The following PHACTR1 variants were observed in gnomAD, a reference collection of about 807,000 sequenced individuals.
PHACTR1 encodes the protein phosphatase and actin regulator 1.
A neutral mutation model predicts 69.2 loss-of-function variants in PHACTR1; 16 were observed. The ratio of observed to expected loss-of-function variants is 0.23; its 90% CI spans 0.16 to 0.35. The LOEUF (loss-of-function observed/expected upper bound fraction) is 0.35, where lower values mean the gene tolerates loss of function less well. PHACTR1 is among the 10% of genes least tolerant of loss of function. The pLI, the probability that PHACTR1 is intolerant of heterozygous loss-of-function variation, is 1.00. For synonymous variants in PHACTR1, 312 were observed against 284.5 expected (o/e 1.10, Z -0.97); for missense variants, 510 against 734.7 (o/e 0.69, Z 3.54).
At chr6:12,747,554 T>C (rs909932651) in intron 3 of PHACTR1, among the ~76,000 whole-genome samples, 4 of 152,006 alleles carry the variant, frequency 2.6e-5, no homozygotes, top group Non-Finnish European at 5.9e-5. Context: ...TAATCCTAGC[T>C]ACTCAGGAGG....
At chr6:12,827,737 T>C (rs1561920914) in intron 4 of PHACTR1, among the ~76,000 whole-genome samples, 1 of 152,206 alleles carries the variant, frequency 6.6e-6, no homozygotes, top group South Asian at 2.1e-4. Context: ...AATTGTCCAC[T>C]TTTCCTGAAA....
At chr6:13,112,011 G>A (rs1817121434) in intron 5 of PHACTR1, among the ~76,000 whole-genome samples, 1 of 152,038 alleles carries the variant, frequency 6.6e-6, no homozygotes, top group Non-Finnish European at 1.5e-5. Context: ...TACTTTTCCT[G>A]ATCCTCTCCG....
At chr6:12,968,774 C>T (rs1793799434) in intron 4 of PHACTR1, among the ~76,000 whole-genome samples, 1 of 152,072 alleles carries the variant, frequency 6.6e-6, no homozygotes, top group Non-Finnish European at 1.5e-5. Flanking sequence ...CCACTGATCC[C>T]CAGGCAAATC....
intron 4 of PHACTR1, among the ~76,000 whole-genome samples, chr6:12,895,526 GGTAGTGGAATT>G (rs1467337518): frequency 2.0e-5 from 3 of 152,122 alleles, no homozygotes; most frequent in Non-Finnish European, 4.4e-5. Context: ...AATAAGCAAA[GGTAGTGGAATT>G]TGATGAGTTT....
chr6:12,838,821 G>A (rs1778418506), intron 4 of PHACTR1, among the ~76,000 whole-genome samples: 1 of 152,180 alleles, frequency 6.6e-6, no homozygotes, highest in Non-Finnish European at 1.5e-5. Flanking sequence ...ATTAATGCAG[G>A]TGTGAGTCAG....
At chr6:13,189,052 C>T (rs1306617386) in intron 7 of PHACTR1, among the ~76,000 whole-genome samples, 2 of 152,254 alleles carry the variant, frequency 1.3e-5, no homozygotes, top group Non-Finnish European at 2.9e-5. Flanking sequence ...ATGTTCAACG[C>T]TGCATGAATA....
intron 8 of PHACTR1, among the ~76,000 whole-genome samples, chr6:13,223,459 A>G (rs1769017134): frequency 6.6e-6 from 1 of 152,216 alleles, no homozygotes; most frequent in South Asian, 2.1e-4. Flanking sequence ...ATGGCAGGGT[A>G]GAATACTATT....
intron 3 of PHACTR1, among the ~76,000 whole-genome samples, chr6:12,723,238 C>T (rs942283126): frequency 1.3e-5 from 2 of 152,024 alleles, no homozygotes; most frequent in African/African-American, 4.8e-5. Flanking sequence ...AATACTGGAG[C>T]TTGAGAACCA....
chr6:13,213,917 T>C (rs901624993), intron 8 of PHACTR1: 11 of 152,232 alleles, frequency 7.2e-5, no homozygotes, highest in African/African-American at 2.2e-4. Flanking sequence ...ATAGTACCTG[T>C]CATGTAGGAA....
At chr6:12,939,496 G>A (rs947030342) in intron 4 of PHACTR1, among the ~76,000 whole-genome samples, 27 of 152,042 alleles carry the variant, frequency 1.8e-4, no homozygotes, top group Non-Finnish European at 2.8e-4. Context: ...GTCACTTCTC[G>A]TATCTAGAAC....
At chr6:12,941,931 CAG>C (rs1349406965) in intron 4 of PHACTR1, among the ~76,000 whole-genome samples, 2 of 152,184 alleles carry the variant, frequency 1.3e-5, no homozygotes, top group South Asian at 2.1e-4. Context: ...CTAATACAGA[CAG>C]AGAGTTCTTT....
intron 4 of PHACTR1, among the ~76,000 whole-genome samples, chr6:12,960,334 C>A (rs1792547093): frequency 6.6e-6 from 1 of 152,232 alleles, no homozygotes; most frequent in Non-Finnish European, 1.5e-5. Flanking sequence ...AACACCAGGT[C>A]ACTTTTTCCC....
At chr6:12,971,381 A>G (rs1401319000) in intron 4 of PHACTR1, among the ~76,000 whole-genome samples, 2 of 152,218 alleles carry the variant, frequency 1.3e-5, no homozygotes, top group Non-Finnish European at 2.9e-5. Flanking sequence ...ATGCACATAG[A>G]TAGGGCTGAA....
At chr6:13,057,974 A>G (rs1293638126) in intron 5 of PHACTR1, among the ~76,000 whole-genome samples, 3 of 152,196 alleles carry the variant, frequency 2.0e-5, no homozygotes, top group African/African-American at 7.2e-5. Flanking sequence ...GGAGGAAAAC[A>G]GGAATGGATG....
chr6:12,983,093 T>A (rs1046455461), intron 4 of PHACTR1, among the ~76,000 whole-genome samples: 4 of 152,256 alleles, frequency 2.6e-5, no homozygotes, highest in Non-Finnish European at 4.4e-5. Context: ...TCCCTTGATT[T>A]GTTTTTCTTG....
chr6:12,746,345 T>A (rs1765784775), intron 3 of PHACTR1, among the ~76,000 whole-genome samples: 2 of 152,122 alleles, frequency 1.3e-5, no homozygotes, highest in African/African-American at 4.8e-5. Context: ...ACCAGCTACG[T>A]CAACATAGCG....
intron 4 of PHACTR1, among the ~76,000 whole-genome samples, chr6:12,882,567 A>G (rs188950229): frequency 6.6e-6 from 1 of 152,380 alleles, no homozygotes; most frequent in Admixed American, 6.5e-5. Flanking sequence ...GGGGCAAAAT[A>G]AGAGCATCTG....
In PHACTR1 at chr6:12,832,644, TG is replaced by T. The variant is rs1777710578; in HGVS notation, c.250+82855del. ...AGTCGCAAAGCAAGCAAAATTGGAA[TG>T]TTTTTATTAAATGTGGTGTAATGCT... On this transcript the variant is annotated intron_variant, in intron 4 of 14. Coordinates refer to ENST00000332995, the MANE Select transcript of PHACTR1 (RefSeq NM_030948.6). Among the ~76,000 whole-genome samples the T allele has an allele frequency of 2.0e-5, 3 of 152,202 alleles. No individual in the cohort carries two copies. The South Asian group carries it at 6.2e-4, about 32-fold the overall frequency.
chr6:12,735,360 C>T (rs1764105681), intron 3 of PHACTR1, among the ~76,000 whole-genome samples: 1 of 152,160 alleles, frequency 6.6e-6, no homozygotes, highest in African/African-American at 2.4e-5. Flanking sequence ...GTCACAGAGA[C>T]CAAGCCTAAT....
Sources: gnomAD v4.1 joint callset for allele counts (sites outside exome capture counted in the v4.1 genomes callset) on GRCh38, gnomAD v4.1.1 for gene constraint, MANE v1.5 for transcripts, NCBI Gene and HGNC (gene_info 2026-07-23, HGNC 2026-07-21) for gene names.